Variants in DYNC2H1 observed in about 807,000 individuals in gnomAD.
DYNC2H1 encodes cytoplasmic dynein 2 heavy chain 1.
Under a neutral mutation model 570.0 loss-of-function variants are expected in DYNC2H1, and 410 were observed. The ratio of observed to expected loss-of-function variants is 0.72; its 90% CI spans 0.66 to 0.78. The LOEUF is 0.78. DYNC2H1 is among the 30% of genes least tolerant of loss of function. DYNC2H1 has a pLI of 0.00. For synonymous variants in DYNC2H1, 1,688 were observed against 1,677.6 expected (o/e 1.01, Z -0.15); for missense variants, 4,865 against 5,046.4 (o/e 0.96, Z 1.09).
At chr11:103,300,971 C>T (rs1867022649) in intron 75 of DYNC2H1, among the ~76,000 whole-genome samples, 1 of 151,638 alleles carries the variant, frequency 6.6e-6, no homozygotes, top group Non-Finnish European at 1.5e-5. Context: ...ATGGTAATTA[C>T]AGGAGTATCA....
chr11:103,226,773 G>A (rs948583129), intron 59 of DYNC2H1, among the ~76,000 whole-genome samples: 13 of 152,098 alleles, frequency 8.5e-5, no homozygotes, highest in African/African-American at 3.1e-4. Flanking sequence ...TTTGAATAGT[G>A]TCAATAGGAT....
rs186387739 is a variant in DYNC2H1 at position 103,151,843 on chromosome 11, A to G, written c.2947-293A>G. 6.6e-6 allele frequency among the ~76,000 whole-genome samples: 1 copy of G among 152,222 alleles called. No individual in the cohort carries two copies. The highest frequency in any genetic ancestry group is 6.5e-5 in the Admixed American group (1 of 15,282). Reference sequence around the variant, plus strand: ...GAACTTTACTTTGATAAACTGTAGTATTATCTTTATGGATTTCATTTAGTC... The same window carrying G: ...GAACTTTACTTTGATAAACTGTAGTGTTATCTTTATGGATTTCATTTAGTC... On this transcript the variant is annotated intron_variant, in intron 20 of 88. Transcript: ENST00000375735. The surrounding 1 kb of genome is among the most constrained non-coding windows in gnomAD (Gnocchi z 4.6).
intron 83 of DYNC2H1, among the ~76,000 whole-genome samples, chr11:103,383,573 A>G (rs536364088): frequency 6.6e-6 from 1 of 151,488 alleles, no homozygotes; most frequent in African/African-American, 2.4e-5. Flanking sequence ...TCCCGCGTTC[A>G]CGCCATTCTC....
chr11:103,159,546 G>A (rs1023607342), intron 28 of DYNC2H1, among the ~76,000 whole-genome samples: 1 of 152,104 alleles, frequency 6.6e-6, no homozygotes, highest in African/African-American at 2.4e-5. Context: ...TATGGGAACA[G>A]GTGAGATTAC....
At chr11:103,428,417 G>C (rs1325450804) in intron 84 of DYNC2H1, among the ~76,000 whole-genome samples, 1 of 152,070 alleles carries the variant, frequency 6.6e-6, no homozygotes, top group African/African-American at 2.4e-5. Context: ...GTGATGGCTA[G>C]CAAAACTTCA....
chr11:103,296,890 G>C (rs550753318), intron 75 of DYNC2H1, among the ~76,000 whole-genome samples: 19 of 151,914 alleles, frequency 1.3e-4, no homozygotes, highest in African/African-American at 4.1e-4. Context: ...TTCTTCTCTT[G>C]ATTGTTATGT....
intron 82 of DYNC2H1, among the ~76,000 whole-genome samples, chr11:103,338,536 T>C (rs1170319710): frequency 6.6e-6 from 1 of 152,228 alleles, no homozygotes; most frequent in African/African-American, 2.4e-5. Context: ...CTTCAATTTC[T>C]CTGTGTATGT....
rs1271985878 is a variant in DYNC2H1 at position 103,277,903 on chromosome 11, G to T, written c.10696-2445G>T. On this transcript the variant is annotated intron_variant, in intron 70 of 88. Coordinates refer to ENST00000375735, the MANE Select transcript of DYNC2H1 (RefSeq NM_001377.3). This position sits in a 1 kb window ranked among gnomAD's most constrained non-coding sequence, Gnocchi z 4.3. ...TTGTGAGCATGGGCACTTTTTTCTG[G>T]TTCATATTTTTGCTGATAATGTAAT... Among the ~76,000 whole-genome samples the T allele has an allele frequency of 6.6e-6, 1 of 152,110 alleles. No individual in the cohort carries two copies. The highest frequency in any genetic ancestry group is 1.5e-5 in the Non-Finnish European group (1 of 68,018).
chr11:103,152,048 A>G, intron 20 of DYNC2H1, 88 bp from the exon 21 acceptor site: 1 of 1,308,942 alleles, frequency 7.6e-7, no homozygotes, highest in South Asian at 1.5e-5. Flanking sequence ...AAATAAAGTT[A>G]TGAAACAAAA....
In DYNC2H1 at chr11:103,479,127, C is replaced by T. The variant is rs754896119; in HGVS notation, c.12798C>T (p.Cys4266=). ...GTGGTCCATATTCTCCGGATGAGTG[C>T]ATCTCTTTGCCTGTTTACACAAGTG... ...DACGPYSPDE[C]ISLPVYTSAE... Residue 4266 remains cysteine, a synonymous_variant, in exon 89 of 89, where the codon TGC becomes TGT. Coordinates refer to ENST00000375735, the MANE Select transcript of DYNC2H1 (RefSeq NM_001377.3). 29 of 1,613,662 alleles carry T rather than the reference C, an allele frequency of 1.8e-5. No individual in the cohort carries two copies. In the Admixed American group the frequency reaches 2.0e-4, roughly 11 times the overall value.
In DYNC2H1 at chr11:103,116,566, C is replaced by T. The variant is rs1271549474; in HGVS notation, c.622-4C>T. The T allele has an allele frequency of 6.4e-7, 1 of 1,564,388 alleles. No individual in the cohort carries two copies. The highest frequency in any genetic ancestry group is 1.9e-5 in the Admixed American group (1 of 52,948). ...TGTTTAAAAATTAATGCATTTTTTT[C>T]TAGGAGTTTTATAACTTGGACAGTC... On this transcript the variant is annotated splice_region_variant and splice_polypyrimidine_tract_variant and intron_variant, in intron 4 of 88. Transcript: ENST00000375735.
chr11:103,456,002 C>A (rs1467223085), intron 86 of DYNC2H1, among the ~76,000 whole-genome samples: 1 of 151,890 alleles, frequency 6.6e-6, no homozygotes, highest in Non-Finnish European at 1.5e-5. Flanking sequence ...CCATCGTGTG[C>A]CTGCATTTGA....
intron 83 of DYNC2H1, among the ~76,000 whole-genome samples, chr11:103,383,298 G>A (rs1451084702): frequency 1.3e-5 from 2 of 152,134 alleles, no homozygotes; most frequent in African/African-American, 4.8e-5. Context: ...CATCTGTAAA[G>A]AAGAACTTCA....
chr11:103,115,224 C>T lies in DYNC2H1; in HGVS notation c.550C>T (p.His184Tyr), dbSNP rs1858323643. ...GTTCCAGTTTTGGATAGAACAAGCT[C>T]ACCGTGGAAATAAACAGATTAGTAA... ...DEFQFWIEQA[H>Y]RGNKQISKER... Residue 184 changes from histidine (H) to tyrosine (Y), a missense_variant, in exon 4 of 89, where the codon CAC (histidine) becomes TAC (tyrosine). His to Tyr is a moderately conservative substitution (Grantham distance 83, BLOSUM62 2). This residue lies in a region of DYNC2H1 where 1,936 missense variants were observed against 1,962.1 expected (regional missense o/e 0.99). Coordinates refer to ENST00000375735, the MANE Select transcript of DYNC2H1 (RefSeq NM_001377.3). The T allele has an allele frequency of 6.2e-7, 1 of 1,610,780 alleles. No homozygotes were observed. Among genetic ancestry groups the T allele is most frequent in the Non-Finnish European group, 8.5e-7 (1 of 1,178,504 alleles).
intron 17 of DYNC2H1, among the ~76,000 whole-genome samples, chr11:103,138,527 G>T (rs1227952453): frequency 6.6e-6 from 1 of 152,190 alleles, no homozygotes; most frequent in Non-Finnish European, 1.5e-5. Context: ...ATTGATTTGT[G>T]TATATTGAAC....
intron 40 of DYNC2H1, among the ~76,000 whole-genome samples, chr11:103,183,105 A>G (rs1861921035): frequency 6.6e-6 from 1 of 151,942 alleles, no homozygotes; most frequent in South Asian, 2.1e-4. Flanking sequence ...GAAGGCAAGG[A>G]CCAAGCTTAT....
Position 103,133,806 on chromosome 11 carries a change from C to T in DYNC2H1, c.2106+99C>T. ...AAACTTATTTTGAAATAATTTGAGA[C>T]TTAAAGTTACAAAAATAGTACAGAG... On this transcript the variant is annotated intron_variant, in intron 14 of 88. Coordinates refer to ENST00000375735, the MANE Select transcript of DYNC2H1 (RefSeq NM_001377.3). This position sits in a 1 kb window ranked among gnomAD's most constrained non-coding sequence, Gnocchi z 4.8. 7.9e-7 allele frequency: 1 copy of T among 1,258,750 alleles called. No individual in the cohort carries two copies. 78.0% of individuals were successfully genotyped at this position (1,258,750 alleles called of 1,614,324 possible).
At position 103,255,460 on chromosome 11, in the gene DYNC2H1, C is replaced by A. The variant is rs543525711; in HGVS notation, c.10252C>A (p.Gln3418Lys). 9.4e-5 allele frequency: 147 copies of A among 1,568,662 alleles called. No homozygotes were observed. Among genetic ancestry groups the A allele is most frequent in the Non-Finnish European group, 1.2e-4 (134 of 1,155,776 alleles). ...IQHEKPDLEE[Q>K]KTKLLQQEED... ...GCATGAGAAACCTGATTTAGAAGAA[C>A]AGAAAACAAAACTATTACAACAGGA... Residue 3418 changes from glutamine to lysine, a missense_variant, in exon 67 of 89, where the codon CAG becomes AAG. Physicochemically the swap from Gln to Lys is moderately conservative, Grantham distance 53 (BLOSUM62 1). This residue lies in a region of DYNC2H1 where 2,401 missense variants were observed against 2,454.6 expected (regional missense o/e 0.98). Coordinates refer to ENST00000375735, the MANE Select transcript of DYNC2H1 (RefSeq NM_001377.3).
At position 103,203,081 on chromosome 11, in the gene DYNC2H1, A is replaced by G. The variant is rs1862787336; in HGVS notation, c.8198-582A>G. On this transcript the variant is annotated intron_variant, in intron 50 of 88. Transcript: ENST00000375735. This position sits in a 1 kb window ranked among gnomAD's most constrained non-coding sequence, Gnocchi z 4.7. ...CTTAGGTAAGAATATTCTAGGGTTA[A>G]ATGTTGAACATTGTCAAATATTTGT... is the stretch of plus-strand genomic sequence containing the variant. Among the ~76,000 whole-genome samples, 1 of 152,198 alleles carries G rather than the reference A, an allele frequency of 6.6e-6. No individual in the cohort carries two copies. Among genetic ancestry groups the G allele is most frequent in the African/African-American group, 2.4e-5 (1 of 41,462 alleles).
Sources: gnomAD v4.1 joint callset for allele counts (sites outside exome capture counted in the v4.1 genomes callset) on GRCh38, gnomAD v4.1.1 for gene constraint, gnomAD v4.1.1 regional missense constraint, Gnocchi (gnomAD v3.1) non-coding constraint, MANE v1.5 for transcripts, NCBI Gene and HGNC (gene_info 2026-07-23, HGNC 2026-07-21) for gene names.